Variants in PDK1 observed in about 807,000 individuals in gnomAD.
PDK1 encodes [Pyruvate dehydrogenase (acetyl-transferring)] kinase isozyme 1, mitochondrial.
Under a neutral mutation model 54.2 loss-of-function variants are expected in PDK1, and 39 were observed. That is an observed-to-expected ratio of 0.72 (90% confidence interval 0.56 to 0.94). PDK1 has a LOEUF of 0.94. PDK1 is among the 40% of genes least tolerant of loss of function. The pLI is 0.00. For synonymous variants in PDK1, 221 were observed against 207.1 expected, an observed-to-expected ratio of 1.07 and a Z score of -0.58; for missense variants, 552 against 566.0, an observed-to-expected ratio of 0.98 and a Z score of 0.25.
At chr2:172,585,316 ATTTTTTTTTTT>A (rs538241255) in intron 8 of PDK1, among the ~76,000 whole-genome samples, 11 of 103,302 alleles carry the variant, frequency 1.1e-4, no homozygotes, top group South Asian at 2.9e-4. Flanking sequence ...TGCATTTTTA[ATTTTTTTTTTT>A]TTTTTTTTTT....
intron 9 of PDK1, among the ~76,000 whole-genome samples, chr2:172,589,241 G>A (rs1398036214): frequency 6.6e-6 from 1 of 152,236 alleles, no homozygotes; most frequent in Non-Finnish European, 1.5e-5. Context: ...ATCGCTCAGA[G>A]TCACAACAGG....
At chr2:172,683,928 C>T in the PDK1 span, among the ~76,000 whole-genome samples, 5 of 152,156 alleles carry the variant, frequency 3.3e-5, no homozygotes, top group Non-Finnish European at 5.9e-5. Context: ...CTTTTAGAAG[C>T]AGGAGAAATA....
the PDK1 span, among the ~76,000 whole-genome samples, chr2:172,675,721 T>C: frequency 2.0e-4 from 31 of 152,230 alleles, no homozygotes; most frequent in Admixed American, 5.9e-4. Flanking sequence ...TGCAACAAGC[T>C]ATCCAGAAGA....
chr2:172,587,725 T>A (rs1690333896), intron 9 of PDK1, among the ~76,000 whole-genome samples: 1 of 151,036 alleles, frequency 6.6e-6, no homozygotes, highest in South Asian at 2.1e-4. Flanking sequence ...TGGTCTATTT[T>A]ATAGAGAGCT....
chr2:172,653,654 C>G, the PDK1 span, among the ~76,000 whole-genome samples: 10 of 151,782 alleles, frequency 6.6e-5, no homozygotes, highest in African/African-American at 2.2e-4. Context: ...AATGTTAGAC[C>G]TAAAACCATA....
the PDK1 span, chr2:172,723,836 A>G: frequency 6.6e-6 from 1 of 152,236 alleles, no homozygotes; most frequent in African/African-American, 2.4e-5. Context: ...AAGGATGAGC[A>G]TTACACTTAA....
chr2:172,673,763 G>A, the PDK1 span, among the ~76,000 whole-genome samples: 1 of 152,142 alleles, frequency 6.6e-6, no homozygotes, highest in Non-Finnish European at 1.5e-5. Flanking sequence ...AGATAGTAAA[G>A]GTGTCTGACT....
At chr2:172,587,440 T>G (rs1482812665) in intron 9 of PDK1, among the ~76,000 whole-genome samples, 1 of 152,008 alleles carries the variant, frequency 6.6e-6, no homozygotes, top group Admixed American at 6.5e-5. Context: ...TGGTGAGTGT[T>G]GCAGCTCATA....
At chr2:172,694,443 G>T in the PDK1 span, among the ~76,000 whole-genome samples, 12 of 152,298 alleles carry the variant, frequency 7.9e-5, no homozygotes, top group East Asian at 2.1e-3. Context: ...ACATTGATGA[G>T]AAAAAAATCA....
rs545533613 is a variant in PDK1, at chr2:172,590,237, A to G, written c.1057-2698A>G. 1.8e-4 allele frequency among the ~76,000 whole-genome samples: 27 copies of G among 152,346 alleles called. No homozygotes were observed. In the South Asian group the frequency reaches 5.6e-3, roughly 32 times the overall value. On this transcript the variant is annotated intron_variant, in intron 9 of 10. Coordinates refer to ENST00000282077, the MANE Select transcript of PDK1 (RefSeq NM_002610.5). Reference sequence around the variant, plus strand: ...TTTTCTACTCTTGCTCCTAAAAGAGATAACACATTTTATATGATATTGCCA... The same window carrying G: ...TTTTCTACTCTTGCTCCTAAAAGAGGTAACACATTTTATATGATATTGCCA...
chr2:172,685,973 A>G, the PDK1 span, among the ~76,000 whole-genome samples: 1 of 152,204 alleles, frequency 6.6e-6, no homozygotes, highest in Non-Finnish European at 1.5e-5. Flanking sequence ...CTGAGAAATC[A>G]ACCTCAAACA....
the PDK1 span, among the ~76,000 whole-genome samples, chr2:172,710,204 A>G: frequency 1.3e-5 from 2 of 152,158 alleles, no homozygotes; most frequent in Admixed American, 6.5e-5. Context: ...ACTCTTAGAG[A>G]TACTTCACCA....
rs983459631 is a variant in PDK1 at position 172,607,646 on chromosome 2, C to G, written c.*11677C>G. ...TGATGGTGAACCCAAAACAATGGTA[C>G]TAGGAAGGAGGTTGGCCAAACTCAG... is the stretch of plus-strand genomic sequence containing the variant. On this transcript the variant is annotated 3_prime_UTR_variant, in exon 11 of 11. Coordinates refer to ENST00000282077, the MANE Select transcript of PDK1 (RefSeq NM_002610.5). 1 of 152,234 alleles carries G rather than the reference C, an allele frequency of 6.6e-6. No homozygotes were observed. Among genetic ancestry groups the G allele is most frequent in the Non-Finnish European group, 1.5e-5 (1 of 68,110 alleles). 9.4% of individuals were successfully genotyped at this position (152,234 alleles called of 1,614,324 possible). A position where few individuals can be genotyped will look rare whatever the true frequency, so the allele number is the denominator to read the frequency against.
At chr2:172,667,246 G>A in the PDK1 span, among the ~76,000 whole-genome samples, 1 of 152,310 alleles carries the variant, frequency 6.6e-6, no homozygotes, top group South Asian at 2.1e-4. Flanking sequence ...CAGAGGGAAT[G>A]AGAGGGAAAT....
the PDK1 span, among the ~76,000 whole-genome samples, chr2:172,717,386 G>A: frequency 6.6e-6 from 1 of 152,186 alleles, no homozygotes; most frequent in African/African-American, 2.4e-5. Flanking sequence ...CAGAAACAGT[G>A]AAATAATAAA....
Position 172,566,851 on chromosome 2 carries a change from A to G in PDK1, c.692-5A>G, listed in dbSNP as rs772058250. ...CCTTTTTTGTTTTGTTTTGATTCAC[A>G]CTAGATGGCTATGAAAATGCTAGGC... On this transcript the variant is annotated splice_polypyrimidine_tract_variant and splice_region_variant and intron_variant, in intron 5 of 10. Coordinates refer to ENST00000282077, the MANE Select transcript of PDK1 (RefSeq NM_002610.5). The G allele has an allele frequency of 3.8e-6, 6 of 1,595,818 alleles. No homozygotes were observed. Among genetic ancestry groups the G allele is most frequent in the Non-Finnish European group, 5.1e-6 (6 of 1,165,116 alleles).
At chr2:172,633,981 T>C in the PDK1 span, among the ~76,000 whole-genome samples, 3 of 139,112 alleles carry the variant, frequency 2.2e-5, no homozygotes, top group Non-Finnish European at 4.6e-5. Context: ...GTTCAAGCAA[T>C]TCTCTTGCTT....
intron 7 of PDK1, among the ~76,000 whole-genome samples, chr2:172,569,608 T>G (rs1414531796): frequency 6.6e-6 from 1 of 152,194 alleles, no homozygotes; most frequent in African/African-American, 2.4e-5. Flanking sequence ...AAAAGTGCAC[T>G]GAAACACAGA....
the PDK1 span, among the ~76,000 whole-genome samples, chr2:172,625,764 A>C: frequency 2.0e-5 from 3 of 152,168 alleles, no homozygotes; most frequent in African/African-American, 7.2e-5. Flanking sequence ...TTGAGGTATA[A>C]AGACTCTTGG....
Sources: allele counts gnomAD v4.1 joint callset (sites outside exome capture counted in the v4.1 genomes callset), GRCh38; gene constraint gnomAD v4.1.1; transcripts MANE v1.5; gene names NCBI Gene and HGNC (gene_info 2026-07-23, HGNC 2026-07-21).